The following GLDC variants were observed in gnomAD, a reference collection of about 807,000 sequenced individuals.
GLDC encodes glycine decarboxylase.
Under a neutral mutation model 121.3 loss-of-function variants are expected in GLDC, and 104 were observed. That is an observed-to-expected ratio of 0.86 (90% CI 0.73 to 1.01). GLDC has a LOEUF of 1.01. GLDC is among the 50% of genes least tolerant of loss of function. The pLI is 0.00. For synonymous variants in GLDC, 546 were observed against 480.6 expected, an observed-to-expected ratio of 1.14 and a Z score of -1.78; for missense variants, 1,429 against 1,306.6, an observed-to-expected ratio of 1.09 and a Z score of -1.44.
At chr9:6,588,736 A>T in intron 12 of GLDC, 34 bp from the exon 13 acceptor site, 1 of 1,292,444 alleles carries the variant, frequency 7.7e-7, no homozygotes, top group Non-Finnish European at 1.1e-6. Flanking sequence ...AGGGGCCCCA[A>T]AAGTAGATAT....
At chr9:6,629,955 ATATTT>A (rs1819331947) in intron 2 of GLDC, among the ~76,000 whole-genome samples, 2 of 84,440 alleles carry the variant, frequency 2.4e-5, no homozygotes, top group Admixed American at 2.3e-4. Context: ...GTATATATAT[ATATTT>A]TTTTTTTTTA....
intron 7 of GLDC, among the ~76,000 whole-genome samples, chr9:6,603,551 A>ATAAATAAG (rs143048247): frequency 3.9e-4 from 59 of 151,858 alleles, no homozygotes; most frequent in Admixed American, 1.2e-3. Flanking sequence ...AAATAAATAA[A>ATAAATAAG]TAAATAAAAT....
rs1023734803 is a variant in GLDC, at chr9:6,613,244, C to T, written c.471-2888G>A. Among the ~76,000 whole-genome samples, 4 of 152,076 alleles carry T rather than the reference C, an allele frequency of 2.6e-5. No homozygotes were observed. In the South Asian group the frequency reaches 8.3e-4, roughly 31 times the overall value. On this transcript the variant is annotated intron_variant, in intron 3 of 24. Transcript: ENST00000321612. ...CAGATAACTATTGAGAAAATAAAAT[C>T]ACTTAATTTCCAAACTTTAACATAA...
intron 21 of GLDC, among the ~76,000 whole-genome samples, chr9:6,543,895 G>A (rs369365992): frequency 3.3e-5 from 5 of 151,894 alleles, no homozygotes; most frequent in East Asian, 1.9e-4. Flanking sequence ...GGACAGGAGG[G>A]GGGGGGATGA....
intron 15 of GLDC, among the ~76,000 whole-genome samples, chr9:6,572,983 T>C (rs1817994371): frequency 6.6e-6 from 1 of 152,306 alleles, no homozygotes; most frequent in South Asian, 2.1e-4. Context: ...ACCTCTAATA[T>C]CAAAGTTGTT....
In GLDC at chr9:6,532,844, G is replaced by C; in HGVS notation, c.*173C>G. On this transcript the variant is annotated 3_prime_UTR_variant, in exon 25 of 25. Coordinates refer to ENST00000321612, the MANE Select transcript of GLDC (RefSeq NM_000170.3). ...AAGCAAATCCGTCTTCCAACCATCAGCTTCGACTCCCTCCAGCTACTGTAT... is the reference window on the plus strand; with the variant it reads ...AAGCAAATCCGTCTTCCAACCATCACCTTCGACTCCCTCCAGCTACTGTAT... 1.5e-6 allele frequency: 1 copy of C among 660,584 alleles called. No individual in the cohort carries two copies. The highest frequency in any genetic ancestry group is 2.7e-6 in the Non-Finnish European group (1 of 366,488). 40.9% of individuals were successfully genotyped at this position (660,584 alleles called of 1,614,324 possible).
chr9:6,597,622 T>A (rs1403688235), intron 8 of GLDC, among the ~76,000 whole-genome samples: 1 of 152,012 alleles, frequency 6.6e-6, no homozygotes, highest in Non-Finnish European at 1.5e-5. Flanking sequence ...GAGCTGCTCA[T>A]TGTGGTAGAA....
intron 15 of GLDC, among the ~76,000 whole-genome samples, chr9:6,577,823 T>G (rs1818099983): frequency 6.6e-6 from 1 of 151,988 alleles, no homozygotes; most frequent in Non-Finnish European, 1.5e-5. Context: ...TGATTTTTTT[T>G]TGCTCGAATC....
intron 4 of GLDC, among the ~76,000 whole-genome samples, chr9:6,608,584 CA>C (rs543094309): frequency 7.6e-4 from 101 of 133,076 alleles, no homozygotes; most frequent in Admixed American, 1.6e-3. Context: ...ACTAAAAATA[CA>C]AAAAAAAAAA....
At chr9:6,578,855 T>C (rs947573499) in intron 15 of GLDC, among the ~76,000 whole-genome samples, 2 of 152,216 alleles carry the variant, frequency 1.3e-5, no homozygotes, top group African/African-American at 4.8e-5. Context: ...CCAGTTCTCC[T>C]TGTGATTCCT....
At chr9:6,548,811 G>T (rs1817449428) in intron 21 of GLDC, among the ~76,000 whole-genome samples, 1 of 152,028 alleles carries the variant, frequency 6.6e-6, no homozygotes, top group Non-Finnish European at 1.5e-5. Context: ...TCCCTTCCAG[G>T]GTGACTTTGT....
rs141875337 is a variant in GLDC, at chr9:6,587,200, C to G, written c.1791G>C (p.Glu597Asp). The G allele has an allele frequency of 2.7e-5, 43 of 1,613,904 alleles. No homozygotes were observed. In the African/African-American group the frequency reaches 4.1e-4, roughly 16 times the overall value. ...QAQGYQQLFR[E>D]LEKDLCELTG... Reference sequence around the variant, plus strand: ...TGAGTTCACACAAATCCTTCTCAAGCTCTCGGAAAAGCTGCTGATATCCTT... The same window carrying G: ...TGAGTTCACACAAATCCTTCTCAAGGTCTCGGAAAAGCTGCTGATATCCTT... The change falls in exon 15 of 25, where the codon GAG becomes GAC. Residue 597 changes from glutamate (E) to aspartate (D), a missense_variant. By Grantham distance (45) the Glu-to-Asp change is conservative. Coordinates refer to ENST00000321612, the MANE Select transcript of GLDC (RefSeq NM_000170.3).
chr9:6,601,550 G>T (rs1818612148), intron 8 of GLDC, among the ~76,000 whole-genome samples: 1 of 152,176 alleles, frequency 6.6e-6, no homozygotes, highest in Non-Finnish European at 1.5e-5. Flanking sequence ...CATGTATGGT[G>T]AAGAGAAAGC....
chr9:6,567,135 TAAAAA>T (rs58461989), intron 15 of GLDC: 1 of 137,012 alleles, frequency 7.3e-6, no homozygotes, highest in African/African-American at 2.7e-5. Flanking sequence ...AAATAAAAAA[TAAAAA>T]AAAAAAGAAA....
At chr9:6,627,521 T>C (rs145898754) in intron 2 of GLDC, among the ~76,000 whole-genome samples, 4 of 152,282 alleles carry the variant, frequency 2.6e-5, no homozygotes, top group African/African-American at 4.8e-5. Flanking sequence ...GTTCTCATGA[T>C]AGCTTGGTAG....
intron 15 of GLDC, among the ~76,000 whole-genome samples, chr9:6,576,472 C>A (rs528581935): frequency 3.7e-4 from 57 of 152,108 alleles, no homozygotes; most frequent in South Asian, 1.7e-3. Flanking sequence ...TTTTCTTCTT[C>A]TTATTTTTTT....
intron 16 of GLDC, among the ~76,000 whole-genome samples, chr9:6,564,741 G>A (rs1296311461): frequency 1.3e-5 from 2 of 152,236 alleles, no homozygotes; most frequent in Non-Finnish European, 2.9e-5. Flanking sequence ...GGGGGAGCGA[G>A]TGGTGTCCAT....
chr9:6,617,871 T>C (rs527529357), intron 3 of GLDC, among the ~76,000 whole-genome samples: 40 of 152,340 alleles, frequency 2.6e-4, no homozygotes, highest in African/African-American at 8.2e-4. Flanking sequence ...TTTCAAAAGC[T>C]CCTGTTGGTA....
rs369767254 is a variant in GLDC, at chr9:6,536,199, C to G, written c.2703G>C (p.Gly901=). 1.9e-5 allele frequency: 30 copies of G among 1,613,970 alleles called. No individual in the cohort carries two copies. Among genetic ancestry groups the G allele is most frequent in the Admixed American group, 3.3e-5 (2 of 59,998 alleles). The change falls in exon 23 of 25, where the codon GGG becomes GGC. Residue 901 remains glycine, a synonymous_variant. Transcript: ENST00000321612. ...ACTCAGTGGGCTCCACCATGAGGGT[C>G]CCTGCCACAGGCCAGGACATGGTAG... The part of the protein sequence containing the change: ...HAPTMSWPVA[G]TLMVEPTESE...
Sources: allele counts gnomAD v4.1 joint callset (sites outside exome capture counted in the v4.1 genomes callset), GRCh38; gene constraint gnomAD v4.1.1; transcripts MANE v1.5; gene names NCBI Gene and HGNC (gene_info 2026-07-23, HGNC 2026-07-21).